The following PTPN4 variants were observed in gnomAD, a reference collection of about 807,000 sequenced individuals.
PTPN4 encodes the protein tyrosine-protein phosphatase non-receptor type 4.
Under a neutral mutation model 135.5 loss-of-function variants are expected in PTPN4, and 49 were observed. That is an observed-to-expected ratio of 0.36 (90% CI 0.29 to 0.46). PTPN4 has a LOEUF of 0.46. Among genes scored for constraint, PTPN4 ranks in the 20% least tolerant of loss-of-function variants. PTPN4 has a pLI of 1.00. For synonymous variants in PTPN4, 333 were observed against 369.9 expected, an observed-to-expected ratio of 0.90 and a Z score of 1.14; for missense variants, 860 against 1,101.0, an observed-to-expected ratio of 0.78 and a Z score of 3.10.
intron 8 of PTPN4, among the ~76,000 whole-genome samples, chr2:119,885,407 G>A (rs898089905): frequency 6.6e-6 from 1 of 152,162 alleles, no homozygotes. Context: ...CACTGCCCTG[G>A]AGGTTGGCTT....
At chr2:119,809,525 C>T (rs982793662) in intron 1 of PTPN4, among the ~76,000 whole-genome samples, 1 of 151,946 alleles carries the variant, frequency 6.6e-6, no homozygotes, top group Non-Finnish European at 1.5e-5. Context: ...GCAGCATAAT[C>T]TTCCCGCCCC....
chr2:119,925,899 T>C (rs1413227255), intron 12 of PTPN4, among the ~76,000 whole-genome samples: 1 of 152,164 alleles, frequency 6.6e-6, no homozygotes, highest in African/African-American at 2.4e-5. Context: ...ACCTCCCTCT[T>C]AGAGGAAATA....
At chr2:119,792,816 G>A (rs1691173570) in intron 1 of PTPN4, among the ~76,000 whole-genome samples, 1 of 152,216 alleles carries the variant, frequency 6.6e-6, no homozygotes, top group Admixed American at 6.5e-5. Context: ...TCACATGTCA[G>A]TAGGTTCTGT....
At chr2:119,812,669 TGTGGCCAACCTATGGA>T (rs948446596) in intron 2 of PTPN4, among the ~76,000 whole-genome samples, 1 of 152,220 alleles carries the variant, frequency 6.6e-6, no homozygotes, top group African/African-American at 2.4e-5. Context: ...ATTTATTTAC[TGTGGCCAACCTATGGA>T]GTGTATTGTC....
intron 9 of PTPN4, among the ~76,000 whole-genome samples, chr2:119,894,090 A>G (rs1558757077): frequency 2.6e-5 from 4 of 152,166 alleles, no homozygotes. Context: ...TATTATCTCC[A>G]CTTTACAGAT....
intron 9 of PTPN4, among the ~76,000 whole-genome samples, chr2:119,898,771 A>G (rs1678362206): frequency 6.6e-6 from 1 of 152,144 alleles, no homozygotes; most frequent in Admixed American, 6.5e-5. Flanking sequence ...CTCTCGTTTT[A>G]TCTTACCCAA....
chr2:119,798,330 C>G (rs927585732), intron 1 of PTPN4, among the ~76,000 whole-genome samples: 1 of 152,056 alleles, frequency 6.6e-6, no homozygotes, highest in Non-Finnish European at 1.5e-5. Flanking sequence ...CCATGCCTGG[C>G]TAATTTTTGT....
At chr2:119,817,604 C>T (rs994417248) in intron 2 of PTPN4, among the ~76,000 whole-genome samples, 2 of 152,054 alleles carry the variant, frequency 1.3e-5, no homozygotes, top group African/African-American at 4.8e-5. Flanking sequence ...AGTGTGATCC[C>T]TCCAGATTTG....
chr2:119,920,192 A>C lies in PTPN4; in HGVS notation c.952A>C (p.Lys318Gln). 6.2e-7 allele frequency: 1 copy of C among 1,613,326 alleles called. No homozygotes were observed. Residue 318 changes from lysine (K) to glutamine (Q), a missense_variant, in exon 12 of 27, where the codon AAG becomes CAG. Lys to Gln is a moderately conservative substitution (Grantham distance 53). Coordinates refer to ENST00000263708, the MANE Select transcript of PTPN4 (RefSeq NM_002830.4). ...TTTGGACAGACCACTTCCACCTCAA[A>C]AGAATTTTTTTGCACATTATTTTAC... is the stretch of plus-strand genomic sequence containing the variant. ...FRLDRPLPPQ[K>Q]NFFAHYFTLG...
At chr2:119,854,898 A>G (rs946816451) in intron 2 of PTPN4, among the ~76,000 whole-genome samples, 3 of 152,124 alleles carry the variant, frequency 2.0e-5, no homozygotes, top group African/African-American at 7.2e-5. Context: ...TAATCCAGAA[A>G]CAGCGTGTTT....
At chr2:119,921,296 A>G (rs1415961123) in intron 12 of PTPN4, among the ~76,000 whole-genome samples, 1 of 152,210 alleles carries the variant, frequency 6.6e-6, no homozygotes, top group East Asian at 1.9e-4. Context: ...AAAAATAAAA[A>G]TAAAATAAAA....
In PTPN4 at chr2:119,947,545, C is replaced by G. The variant is rs1253903093; in HGVS notation, c.1656+971C>G. 2.6e-5 allele frequency among the ~76,000 whole-genome samples: 4 copies of G among 152,062 alleles called. No individual in the cohort carries two copies. The East Asian group carries it at 7.7e-4, about 29-fold the overall frequency. On this transcript the variant is annotated intron_variant, in intron 18 of 26. Coordinates refer to ENST00000263708, the MANE Select transcript of PTPN4 (RefSeq NM_002830.4). ...TGAGGTGTCACACAAAACTAAAGAGCATGAATGCAATCACACCTCTACAGG... is the reference window on the plus strand; with the variant it reads ...TGAGGTGTCACACAAAACTAAAGAGGATGAATGCAATCACACCTCTACAGG...
chr2:119,800,321 T>G (rs1691339430), intron 1 of PTPN4, among the ~76,000 whole-genome samples: 1 of 152,182 alleles, frequency 6.6e-6, no homozygotes. Context: ...TGGTCTTAAT[T>G]TACATTTCCC....
At chr2:119,764,042 A>G (rs567436805) in intron 1 of PTPN4, among the ~76,000 whole-genome samples, 4 of 152,302 alleles carry the variant, frequency 2.6e-5, no homozygotes, top group Admixed American at 2.0e-4. Context: ...CTGTTATTAA[A>G]ACATACAGTA....
At chr2:119,926,708 A>T (rs1441058454) in intron 13 of PTPN4, 42 bp downstream of exon 13, 1 of 1,447,776 alleles carries the variant, frequency 6.9e-7, no homozygotes, top group South Asian at 1.3e-5. Flanking sequence ...TTTTAAAAAG[A>T]TGGATTGAGT....
chr2:119,796,917 G>A (rs963081331), intron 1 of PTPN4, among the ~76,000 whole-genome samples: 8 of 151,896 alleles, frequency 5.3e-5, no homozygotes, highest in South Asian at 2.1e-4. Flanking sequence ...CTGATAGGTA[G>A]GTAGTGATAT....
At chr2:119,890,799 G>T (rs1678229099) in intron 9 of PTPN4, among the ~76,000 whole-genome samples, 1 of 152,100 alleles carries the variant, frequency 6.6e-6, no homozygotes, top group Non-Finnish European at 1.5e-5. Flanking sequence ...AATTCCCACA[G>T]GATTTATTTG....
chr2:119,812,909 G>A (rs1393457687), intron 2 of PTPN4, among the ~76,000 whole-genome samples: 1 of 152,132 alleles, frequency 6.6e-6, no homozygotes, highest in Non-Finnish European at 1.5e-5. Flanking sequence ...GCTGATTAAC[G>A]TTAGCCTGTA....
chr2:119,847,742 T>C (rs989588316), intron 2 of PTPN4, among the ~76,000 whole-genome samples: 3 of 152,180 alleles, frequency 2.0e-5, no homozygotes, highest in Non-Finnish European at 4.4e-5. Context: ...CTTCCTTTGG[T>C]ATTTCTTGTA....
Sources: allele counts gnomAD v4.1 joint callset (sites outside exome capture counted in the v4.1 genomes callset), GRCh38; gene constraint gnomAD v4.1.1; transcripts MANE v1.5; gene names NCBI Gene and HGNC (gene_info 2026-07-23, HGNC 2026-07-21).